WWOX: variants seen among roughly 807,000 people sequenced by gnomAD.
WWOX encodes the protein WW domain-containing oxidoreductase.
WWOX carries 69 observed loss-of-function variants against 46.2 expected under a neutral mutation model. The observed-to-expected ratio is 1.49, with a 90% CI of 1.23 to 1.82. The LOEUF (loss-of-function observed/expected upper bound fraction) is 1.82. Ranked by LOEUF, WWOX falls within the 40% of genes most tolerant of loss-of-function variation. The pLI, the probability that WWOX is intolerant of heterozygous loss-of-function variation, is 0.00. For missense variants in WWOX, 919 were observed against 542.6 expected, an observed-to-expected ratio of 1.69 and a Z score of -6.89; for synonymous variants, 359 against 202.6, an observed-to-expected ratio of 1.77 and a Z score of -6.56.
At chr16:78,351,215 C>T (rs1489820265) in intron 5 of WWOX, among the ~76,000 whole-genome samples, 2 of 152,226 alleles carry the variant, frequency 1.3e-5, no homozygotes, top group African/African-American at 2.4e-5. Flanking sequence ...GAAAGATTCA[C>T]ATCCCCAACA....
intron 8 of WWOX, among the ~76,000 whole-genome samples, chr16:78,696,649 A>G (rs930460123): frequency 5.9e-5 from 9 of 151,684 alleles, no homozygotes; most frequent in Non-Finnish European, 1.2e-4. Flanking sequence ...GTTCTTTTTT[A>G]TATTTTCTTT....
intron 8 of WWOX, among the ~76,000 whole-genome samples, chr16:78,729,125 T>G (rs1321389336): frequency 6.6e-6 from 1 of 151,998 alleles, no homozygotes; most frequent in Non-Finnish European, 1.5e-5. Flanking sequence ...GGCGGATCAC[T>G]TGAGCTCAGG....
intron 5 of WWOX, among the ~76,000 whole-genome samples, chr16:78,336,924 G>T (rs9939517): frequency 0.073 from 11,047 of 151,876 alleles, 1,185 homozygotes; most frequent in African/African-American, 0.24. Flanking sequence ...GATTACAGGC[G>T]CCCGCCACCA....
chr16:78,343,234 G>T lies in WWOX; in HGVS notation c.517-43626G>T, dbSNP rs1395266296. 1.7e-5 allele frequency among the ~76,000 whole-genome samples: 2 copies of T among 120,204 alleles called. 1 individual carries two copies. 78.9% of individuals were successfully genotyped at this position (120,204 alleles called of 152,430 possible). ...GATGTGGAGGGTCTTCTTATTCTGTGTGTGTGCCCTCTGCTGTTGAAAGTT... is the reference window on the plus strand; with the variant it reads ...GATGTGGAGGGTCTTCTTATTCTGTTTGTGTGCCCTCTGCTGTTGAAAGTT... On this transcript the variant is annotated intron_variant, in intron 5 of 8. Transcript: ENST00000566780.
chr16:78,284,282 C>A (rs1191702501), intron 5 of WWOX, among the ~76,000 whole-genome samples: 1 of 152,140 alleles, frequency 6.6e-6, no homozygotes, highest in Non-Finnish European at 1.5e-5. Flanking sequence ...ACAGTGGCTT[C>A]TTTGATTGTA....
intron 8 of WWOX, among the ~76,000 whole-genome samples, chr16:78,839,978 C>T (rs946753922): frequency 6.6e-6 from 1 of 152,286 alleles, no homozygotes; most frequent in East Asian, 1.9e-4. Flanking sequence ...GCTTCATTTT[C>T]CTGATCCTCC....
chr16:78,826,627 C>G (rs2051665055), intron 8 of WWOX, among the ~76,000 whole-genome samples: 1 of 152,180 alleles, frequency 6.6e-6, no homozygotes, highest in Admixed American at 6.5e-5. Flanking sequence ...GATTTAGGGT[C>G]TTCCTGGCTG....
chr16:78,225,852 C>G (rs903200614), intron 5 of WWOX, among the ~76,000 whole-genome samples: 1 of 152,128 alleles, frequency 6.6e-6, no homozygotes, highest in Non-Finnish European at 1.5e-5. Flanking sequence ...AGCAGCACCT[C>G]TCTTTGAATT....
At chr16:78,446,209 C>T (rs1055370085) in intron 8 of WWOX, among the ~76,000 whole-genome samples, 1 of 152,198 alleles carries the variant, frequency 6.6e-6, no homozygotes, top group Non-Finnish European at 1.5e-5. Flanking sequence ...ATACATCATA[C>T]TTGAGACCAT....
intron 8 of WWOX, among the ~76,000 whole-genome samples, chr16:78,580,972 A>C (rs145633317): frequency 5.9e-5 from 9 of 152,366 alleles, no homozygotes; most frequent in Non-Finnish European, 1.0e-4. Flanking sequence ...AGAGTAATCT[A>C]TTGAAAAGGA....
chr16:78,612,459 G>C (rs2045924301), intron 8 of WWOX, among the ~76,000 whole-genome samples: 1 of 152,146 alleles, frequency 6.6e-6, no homozygotes, highest in Non-Finnish European at 1.5e-5. Flanking sequence ...GGTGGCTCTT[G>C]GCACATGATG....
At chr16:78,530,766 T>C (rs754092102) in intron 8 of WWOX, among the ~76,000 whole-genome samples, 3 of 152,188 alleles carry the variant, frequency 2.0e-5, no homozygotes, top group Non-Finnish European at 4.4e-5. Flanking sequence ...TGCAATTCTT[T>C]GTACATATGA....
chr16:78,234,971 G>A (rs1426898144), intron 5 of WWOX, among the ~76,000 whole-genome samples: 3 of 151,820 alleles, frequency 2.0e-5, no homozygotes, highest in Non-Finnish European at 4.4e-5. Flanking sequence ...TTCTTTCTGG[G>A]TGGTCTTGAA....
At chr16:78,225,052 A>G (rs1008138474) in intron 5 of WWOX, among the ~76,000 whole-genome samples, 2 of 152,230 alleles carry the variant, frequency 1.3e-5, no homozygotes, top group Non-Finnish European at 2.9e-5. Flanking sequence ...ATCGCTTAAC[A>G]AGGGAGATAC....
chr16:78,915,497 A>T (rs1454151708), intron 8 of WWOX, among the ~76,000 whole-genome samples: 1 of 152,210 alleles, frequency 6.6e-6, no homozygotes. Flanking sequence ...CAATGAGCCT[A>T]CACAGAATGT....
At chr16:78,312,653 G>C (rs1335585552) in intron 5 of WWOX, among the ~76,000 whole-genome samples, 1 of 152,198 alleles carries the variant, frequency 6.6e-6, no homozygotes, top group African/African-American at 2.4e-5. Context: ...GAGATTACAG[G>C]CATGAGCCAC....
chr16:78,713,826 A>G (rs1227214710), intron 8 of WWOX, among the ~76,000 whole-genome samples: 3 of 152,140 alleles, frequency 2.0e-5, no homozygotes, highest in Non-Finnish European at 4.4e-5. Flanking sequence ...TGTAGATAAT[A>G]CAGTCCCATT....
chr16:78,581,764 A>T (rs1010948328), intron 8 of WWOX, among the ~76,000 whole-genome samples: 3 of 152,182 alleles, frequency 2.0e-5, no homozygotes, highest in African/African-American at 7.2e-5. Context: ...CAGGTTCCCT[A>T]CCTTTAGATG....
intron 5 of WWOX, among the ~76,000 whole-genome samples, chr16:78,321,019 A>C (rs143436415): frequency 6.6e-6 from 1 of 152,256 alleles, no homozygotes; most frequent in Non-Finnish European, 1.5e-5. Flanking sequence ...CTCACACCTT[A>C]ACCAATAGCC....
Sources: allele counts gnomAD v4.1 joint callset (sites outside exome capture counted in the v4.1 genomes callset), GRCh38; gene constraint gnomAD v4.1.1; transcripts MANE v1.5; gene names NCBI Gene and HGNC (gene_info 2026-07-23, HGNC 2026-07-21).